DNAH5: variants seen among roughly 807,000 people sequenced by gnomAD.
The protein encoded by DNAH5 is dynein axonemal heavy chain 5.
DNAH5 carries 372 observed loss-of-function variants against 518.2 expected under a neutral mutation model. That is an observed-to-expected ratio of 0.72 (90% CI 0.66 to 0.78). DNAH5 has a LOEUF of 0.78. DNAH5 is among the 30% of genes least tolerant of loss of function. The pLI is 0.00. For synonymous variants in DNAH5, 2,039 were observed against 2,025.9 expected, an observed-to-expected ratio of 1.01 and a Z score of -0.17; for missense variants, 5,523 against 5,687.0, an observed-to-expected ratio of 0.97 and a Z score of 0.93.
intron 18 of DNAH5, 62 bp downstream of exon 18, chr5:13,885,902 C>T: frequency 1.4e-6 from 2 of 1,446,046 alleles, no homozygotes; most frequent in Non-Finnish European, 9.6e-7. Flanking sequence ...GTAGAAAATG[C>T]AGTTTTAGTT....
chr5:13,916,909 T>A (rs973519065), intron 8 of DNAH5, among the ~76,000 whole-genome samples: 2 of 152,128 alleles, frequency 1.3e-5, no homozygotes, highest in South Asian at 4.1e-4. Context: ...AAATATAACA[T>A]CTCATATACA....
At chr5:13,967,660 T>C (rs1781614470) in intron 1 of DNAH5, among the ~76,000 whole-genome samples, 1 of 152,236 alleles carries the variant, frequency 6.6e-6, no homozygotes, top group Admixed American at 6.5e-5. Context: ...TTGCTGACTC[T>C]TGCTCTGGCT....
chr5:13,724,133 C>T (rs1289574620), intron 70 of DNAH5, among the ~76,000 whole-genome samples: 2 of 152,254 alleles, frequency 1.3e-5, no homozygotes, highest in Non-Finnish European at 2.9e-5. Flanking sequence ...CAACCCAACA[C>T]CCTGCATTAT....
intron 1 of DNAH5, among the ~76,000 whole-genome samples, chr5:14,010,153 T>C (rs1212656670): frequency 1.3e-5 from 2 of 152,176 alleles, no homozygotes; most frequent in African/African-American, 4.8e-5. Flanking sequence ...GTAAACATTT[T>C]CCCATGTTAT....
intron 61 of DNAH5, among the ~76,000 whole-genome samples, chr5:13,757,349 C>T (rs1394608253): frequency 6.6e-6 from 1 of 152,172 alleles, no homozygotes; most frequent in Non-Finnish European, 1.5e-5. Context: ...TTTTTCTCCG[C>T]AATCTCACCA....
intron 2 of DNAH5, 55 bp from the exon 3 acceptor site, chr5:13,928,233 A>T: frequency 7.5e-7 from 1 of 1,337,290 alleles, no homozygotes; most frequent in South Asian, 1.2e-5. Flanking sequence ...AGAAACTGCA[A>T]TTAAATCAGC....
rs70964506 is a variant in DNAH5, at chr5:13,778,598, G to GAAAGAAAGAAAGAAAGAA, written c.8952-1244_8952-1243insTTCTTTCTTTCTTTCTTT. Among the ~76,000 whole-genome samples, 731 of 139,952 alleles carry GAAAGAAAGAAAGAAAGAA rather than the reference G, an allele frequency of 5.2e-3. 7 individuals carry two copies. The highest frequency in any genetic ancestry group is 0.021 in the East Asian group (89 of 4,252). The allele number at this position is 139,952 out of a possible 152,430, so 91.8% of individuals were successfully genotyped here. On this transcript the variant is annotated intron_variant, in intron 53 of 78. Transcript: ENST00000265104. ...AGAAAGAAAGAAAGAAAGAAAGAAA[G>GAAAGAAAGAAAGAAAGAA]AGAGAGAGAAAGAAAAAGAAAGAAA... is the stretch of plus-strand genomic sequence containing the variant.
In DNAH5 at chr5:13,823,331, C is replaced by A; in HGVS notation, c.6619G>T (p.Asp2207Tyr). 6.2e-7 allele frequency: 1 copy of A among 1,613,930 alleles called. No individual in the cohort carries two copies. The highest frequency in any genetic ancestry group is 1.1e-5 in the South Asian group (1 of 91,086). The change falls in exon 40 of 79, where the codon GAT becomes TAT. Residue 2207 changes from aspartate to tyrosine, a missense_variant. Physicochemically the swap from Asp to Tyr is radical, Grantham distance 160. Coordinates refer to ENST00000265104, the MANE Select transcript of DNAH5 (RefSeq NM_001369.3). ...DEPLFLSLIE[D>Y]LFPNILLDKA... ...TCCAGAAGAATATTTGGAAAGAGAT[C>A]TTCAATCAAACTCAAAAACAAGGGT...
At chr5:13,891,428 T>G (rs902670045) in intron 16 of DNAH5, among the ~76,000 whole-genome samples, 2 of 152,218 alleles carry the variant, frequency 1.3e-5, no homozygotes, top group African/African-American at 2.4e-5. Flanking sequence ...TAGGGACTTT[T>G]AGCCAATTTC....
intron 1 of DNAH5, among the ~76,000 whole-genome samples, chr5:13,942,347 T>C (rs752053000): frequency 1.3e-5 from 2 of 152,202 alleles, no homozygotes; most frequent in African/African-American, 4.8e-5. Context: ...TATATGGACT[T>C]GTAGTTAAAT....
Position 13,751,312 on chromosome 5 carries a change from G to T in DNAH5, c.11029-52C>A, listed in dbSNP as rs755622827. 7 of 1,460,510 alleles carry T rather than the reference G, an allele frequency of 4.8e-6. No homozygotes were observed. In the South Asian group the frequency reaches 8.4e-5, roughly 18 times the overall value. The allele number at this position is 1,460,510 out of a possible 1,614,324, so 90.5% of individuals were successfully genotyped here. ...TAATAAAATAGAGATATACCTTACT[G>T]TGTCTTTTTTGTATCAGATCAAGTA... is the stretch of plus-strand genomic sequence containing the variant. On this transcript the variant is annotated intron_variant, in intron 64 of 78. Transcript: ENST00000265104.
At chr5:13,784,695 A>G (rs1580225854) in intron 52 of DNAH5, among the ~76,000 whole-genome samples, 1 of 152,222 alleles carries the variant, frequency 6.6e-6, no homozygotes, top group Non-Finnish European at 1.5e-5. Flanking sequence ...AACCTAAATC[A>G]TGGAAGACAG....
intron 1 of DNAH5, among the ~76,000 whole-genome samples, chr5:14,003,264 T>C (rs1784485928): frequency 2.0e-5 from 3 of 152,228 alleles, no homozygotes; most frequent in South Asian, 2.1e-4. Flanking sequence ...TGTTTCCACT[T>C]GATAATAAAT....
intron 22 of DNAH5, among the ~76,000 whole-genome samples, chr5:13,873,406 G>A (rs1277414388): frequency 6.6e-6 from 1 of 151,956 alleles, no homozygotes; most frequent in Admixed American, 6.6e-5. Context: ...TAGATTTTGT[G>A]TCTGCCTCAA....
chr5:13,753,596 G>A (rs958398853), intron 62 of DNAH5, 47 bp from the exon 63 acceptor site: 67 of 1,480,304 alleles, frequency 4.5e-5, no homozygotes, highest in Non-Finnish European at 5.8e-5. Flanking sequence ...GTTCATCCGT[G>A]TGATTGTACA....
At chr5:13,943,370 A>G (rs1779636817) in intron 1 of DNAH5, among the ~76,000 whole-genome samples, 1 of 152,230 alleles carries the variant, frequency 6.6e-6, no homozygotes, top group Non-Finnish European at 1.5e-5. Flanking sequence ...TGTGACAAGG[A>G]CTCTATAAGA....
In DNAH5 at chr5:13,817,691, C is replaced by T. The variant is rs1277838388; in HGVS notation, c.6845G>A (p.Cys2282Tyr). ...IHTLMRAMTD[C>Y]GKPHREMRMN... ...CCTCATTTCCCGATGTGGTTTTCCA[C>T]AATCTATACCAAGTAAATCCAAATT... The change falls in exon 42 of 79, where the codon TGT becomes TAT. Residue 2282 changes from cysteine (C) to tyrosine (Y), a missense_variant. Physicochemically the swap from Cys to Tyr is radical, Grantham distance 194 (BLOSUM62 -2). Around this residue, in one of 3 missense-constraint regions of DNAH5, gnomAD observed 5,121 missense variants for 5,223.3 expected, o/e 0.98. Coordinates refer to ENST00000265104, the MANE Select transcript of DNAH5 (RefSeq NM_001369.3). 1.2e-6 allele frequency: 2 copies of T among 1,614,152 alleles called. No individual in the cohort carries two copies. Among genetic ancestry groups the T allele is most frequent in the East Asian group, 2.2e-5 (1 of 44,878 alleles).
intron 1 of DNAH5, 63 bp downstream of exon 1, chr5:13,944,319 A>G: frequency 6.4e-7 from 1 of 1,550,782 alleles, no homozygotes; most frequent in Non-Finnish European, 8.9e-7. Context: ...TGTTTTTTCC[A>G]CCCAGGTGTG....
rs1561475808 is a variant in DNAH5 at position 13,870,901 on chromosome 5, TA to T, written c.3699del (p.Phe1233LeufsTer11). On this transcript the variant is annotated frameshift_variant, in exon 24 of 79. Coordinates refer to ENST00000265104, the MANE Select transcript of DNAH5 (RefSeq NM_001369.3). LOFTEE classifies it high-confidence loss of function. ...TTCTTATTGAATTCTTCAATAAGCA[TA>T]AAAATGTTTTCCATCTCACTCCGGT... is the stretch of plus-strand genomic sequence containing the variant. ...KKYRSEMENIFMLIEEFNKKL... is the reference protein window; with the variant it reads ...KKYRSEMENIXMLIEEFNKKL... The T allele has an allele frequency of 1.2e-6, 2 of 1,613,852 alleles. No homozygotes were observed. The highest frequency in any genetic ancestry group is 1.7e-6 in the Non-Finnish European group (2 of 1,179,824).
Sources: gnomAD v4.1 joint callset for allele counts (sites outside exome capture counted in the v4.1 genomes callset) on GRCh38, gnomAD v4.1.1 for gene constraint, gnomAD v4.1.1 regional missense constraint, MANE v1.5 for transcripts, NCBI Gene and HGNC (gene_info 2026-07-23, HGNC 2026-07-21) for gene names.